UCK2: variants seen among roughly 807,000 people sequenced by gnomAD.
UCK2 encodes the protein cytidine monophosphokinase 2.
UCK2 carries 6 observed loss-of-function variants against 30.8 expected under a neutral mutation model. The ratio of observed to expected loss-of-function variants is 0.19; its 90% CI spans 0.11 to 0.38. The LOEUF is 0.38. Ranked by LOEUF, UCK2 falls within the 10% of genes least tolerant of loss-of-function variation. The pLI, the probability that UCK2 is intolerant of heterozygous loss-of-function variation, is 1.00. For synonymous variants in UCK2, 125 were observed against 133.6 expected, an observed-to-expected ratio of 0.94 and a Z score of 0.45; for missense variants, 210 against 339.8, an observed-to-expected ratio of 0.62 and a Z score of 3.00.
intron 1 of UCK2, among the ~76,000 whole-genome samples, chr1:165,876,621 C>A (rs1655343071): frequency 1.3e-5 from 2 of 152,124 alleles, no homozygotes; most frequent in Non-Finnish European, 2.9e-5. Context: ...AAAAGAAATT[C>A]AATATACCCA....
chr1:165,841,813 C>T (rs1213152341), intron 1 of UCK2, among the ~76,000 whole-genome samples: 2 of 152,160 alleles, frequency 1.3e-5, no homozygotes, highest in Admixed American at 1.3e-4. Flanking sequence ...CAGTCATTCT[C>T]TTGTGTCATG....
intron 4 of UCK2, among the ~76,000 whole-genome samples, chr1:165,899,195 T>C (rs1647374853): frequency 1.3e-5 from 2 of 152,112 alleles, no homozygotes; most frequent in Admixed American, 1.3e-4. Context: ...TGTGTTTGAG[T>C]GAAGCAGCCC....
intron 1 of UCK2, among the ~76,000 whole-genome samples, chr1:165,856,618 A>G (rs925466109): frequency 6.6e-6 from 1 of 152,084 alleles, no homozygotes; most frequent in Admixed American, 6.6e-5. Context: ...AGGAAAAGAG[A>G]TTTTGAATGA....
Position 165,910,999 on chromosome 1 carries a change from C to T in UCK2, c.*3176C>T, listed in dbSNP as rs1232047778. The T allele has an allele frequency of 6.6e-6, 1 of 152,340 alleles. No homozygotes were observed. The highest frequency in any genetic ancestry group is 1.5e-5 in the Non-Finnish European group (1 of 68,164). 9.4% of individuals were successfully genotyped at this position (152,340 alleles called of 1,614,324 possible). A position where few individuals can be genotyped will look rare whatever the true frequency, so the allele number is the denominator to read the frequency against. On this transcript the variant is annotated 3_prime_UTR_variant, in exon 7 of 7. Coordinates refer to ENST00000367879, the MANE Select transcript of UCK2 (RefSeq NM_012474.5). ...GAAGCCTGGTTGGTTTGTATATGAC[C>T]TCTCTTGCCCTTGTGCACTTTCCTT...
At chr1:165,884,440 A>G (rs1655572241) in intron 1 of UCK2, among the ~76,000 whole-genome samples, 1 of 152,238 alleles carries the variant, frequency 6.6e-6, no homozygotes, top group African/African-American at 2.4e-5. Context: ...TTCTTCTGTA[A>G]GGATGACTGT....
intron 1 of UCK2, among the ~76,000 whole-genome samples, chr1:165,889,037 C>T (rs1655696529): frequency 6.6e-6 from 1 of 152,100 alleles, no homozygotes. Context: ...TTTTAGGATA[C>T]ATGTATTACT....
intron 1 of UCK2, among the ~76,000 whole-genome samples, chr1:165,889,859 C>T (rs186566979): frequency 6.6e-6 from 1 of 152,082 alleles, no homozygotes; most frequent in East Asian, 1.9e-4. Flanking sequence ...CCACCTCCAG[C>T]AGGCCCCAGT....
chr1:165,891,357 A>G (rs751577596), intron 3 of UCK2, 35 bp downstream of exon 3: 3 of 1,587,052 alleles, frequency 1.9e-6, no homozygotes, highest in Admixed American at 3.3e-5. Flanking sequence ...GATGGCACCC[A>G]CTGCTCCGCA....
Position 165,890,387 on chromosome 1 carries a change from A to G in UCK2, c.259+24A>G, listed in dbSNP as rs375567399. The G allele has an allele frequency of 8.1e-6, 13 of 1,610,076 alleles. No homozygotes were observed. The Admixed American group carries it at 1.0e-4, about 12-fold the overall frequency. Reference sequence around the variant, plus strand: ...GGGTGAGTCGGGCATTGAAGGGGGTATGTATCTGTATTGGTGTGTTGGGGG... The same window carrying G: ...GGGTGAGTCGGGCATTGAAGGGGGTGTGTATCTGTATTGGTGTGTTGGGGG... On this transcript the variant is annotated intron_variant, in intron 2 of 6. Coordinates refer to ENST00000367879, the MANE Select transcript of UCK2 (RefSeq NM_012474.5).
At chr1:165,906,760 C>G (rs1270881247) in intron 6 of UCK2, among the ~76,000 whole-genome samples, 1 of 152,174 alleles carries the variant, frequency 6.6e-6, no homozygotes, top group Non-Finnish European at 1.5e-5. Flanking sequence ...AAAATAGGAC[C>G]TGGTTTCTTC....
At chr1:165,874,451 A>G (rs1326492395) in intron 1 of UCK2, among the ~76,000 whole-genome samples, 1 of 152,194 alleles carries the variant, frequency 6.6e-6, no homozygotes, top group Admixed American at 6.5e-5. Context: ...TTTGTAAAAA[A>G]CATGTAGCTC....
intron 1 of UCK2, among the ~76,000 whole-genome samples, chr1:165,881,900 G>A (rs1437740414): frequency 6.6e-6 from 1 of 152,192 alleles, no homozygotes; most frequent in Non-Finnish European, 1.5e-5. Context: ...TTATGTTGGT[G>A]ACTGTTGATC....
intron 4 of UCK2, among the ~76,000 whole-genome samples, chr1:165,899,820 G>C (rs886684125): frequency 4.7e-4 from 72 of 152,140 alleles, no homozygotes; most frequent in African/African-American, 1.5e-3. Context: ...TCAGTGCAGG[G>C]AACTGGCTGG....
chr1:165,875,177 A>G (rs1187890917), intron 1 of UCK2, among the ~76,000 whole-genome samples: 1 of 152,198 alleles, frequency 6.6e-6, no homozygotes, highest in African/African-American at 2.4e-5. Flanking sequence ...CATGTAGCTT[A>G]TTAACACTTA....
intron 1 of UCK2, among the ~76,000 whole-genome samples, chr1:165,846,705 A>G (rs1354835586): frequency 1.3e-5 from 2 of 152,178 alleles, no homozygotes; most frequent in Non-Finnish European, 2.9e-5. Context: ...ACACTTTTTG[A>G]TATAGGTGTA....
intron 2 of UCK2, chr1:165,891,001 A>G (rs975783899): frequency 5.1e-5 from 24 of 473,650 alleles, no homozygotes; most frequent in African/African-American, 1.6e-4. Context: ...ATGTCAAAGG[A>G]GAGAAAAAAG....
At chr1:165,900,854 G>C (rs573527409) in intron 4 of UCK2, among the ~76,000 whole-genome samples, 28 of 152,338 alleles carry the variant, frequency 1.8e-4, no homozygotes, top group African/African-American at 6.0e-4. Flanking sequence ...AGCATCAGGC[G>C]TTTGCAGGGC....
chr1:165,843,484 G>A (rs79903887), intron 1 of UCK2, among the ~76,000 whole-genome samples: 34 of 152,280 alleles, frequency 2.2e-4, no homozygotes, highest in African/African-American at 7.5e-4. Flanking sequence ...ACTTTTGGCT[G>A]GGATTGATGA....
At chr1:165,876,719 C>T (rs1655344700) in intron 1 of UCK2, among the ~76,000 whole-genome samples, 1 of 152,172 alleles carries the variant, frequency 6.6e-6, no homozygotes, top group Non-Finnish European at 1.5e-5. Flanking sequence ...GATTCATTCT[C>T]TTATAGTGCT....
Sources: allele counts gnomAD v4.1 joint callset (sites outside exome capture counted in the v4.1 genomes callset), GRCh38; gene constraint gnomAD v4.1.1; transcripts MANE v1.5; gene names NCBI Gene and HGNC (gene_info 2026-07-23, HGNC 2026-07-21).